Variants in SUGCT observed in about 807,000 individuals in gnomAD.
SUGCT encodes succinyl-CoA:glutarate CoA-transferase.
Under a neutral mutation model 55.0 loss-of-function variants are expected in SUGCT, and 41 were observed. The ratio of observed to expected loss-of-function variants is 0.74; its 90% CI spans 0.58 to 0.97. SUGCT has a LOEUF of 0.97. Among genes scored for constraint, SUGCT ranks in the 50% least tolerant of loss-of-function variants. The pLI, the probability that SUGCT is intolerant of heterozygous loss-of-function variation, is 0.00. For missense variants in SUGCT, 568 were observed against 547.8 expected, an observed-to-expected ratio of 1.04 and a Z score of -0.37; for synonymous variants, 187 against 200.4, an observed-to-expected ratio of 0.93 and a Z score of 0.56.
chr7:40,949,025 G>C, the SUGCT span, among the ~76,000 whole-genome samples: 1 of 152,170 alleles, frequency 6.6e-6, no homozygotes, highest in African/African-American at 2.4e-5. Flanking sequence ...CTGAGGAAAT[G>C]CCACACTGTC....
intron 13 of SUGCT, among the ~76,000 whole-genome samples, chr7:40,841,769 A>G (rs1250536025): frequency 6.6e-6 from 1 of 152,198 alleles, no homozygotes; most frequent in Non-Finnish European, 1.5e-5. Context: ...AGGATATCCT[A>G]AACATTTCAT....
chr7:40,364,570 A>G (rs1783825646), intron 9 of SUGCT, among the ~76,000 whole-genome samples: 1 of 152,066 alleles, frequency 6.6e-6, no homozygotes, highest in South Asian at 2.1e-4. Context: ...TCCTTCTCTT[A>G]TGAAGCTTAG....
At chr7:40,220,031 T>A (rs575627712) in intron 6 of SUGCT, among the ~76,000 whole-genome samples, 1 of 152,326 alleles carries the variant, frequency 6.6e-6, no homozygotes, top group East Asian at 1.9e-4. Flanking sequence ...CTGTTTTGAT[T>A]TGAGAATAGG....
At chr7:40,441,471 C>G (rs566381092) in intron 9 of SUGCT, among the ~76,000 whole-genome samples, 5 of 151,982 alleles carry the variant, frequency 3.3e-5, no homozygotes, top group African/African-American at 7.2e-5. Context: ...ACAAAACAAA[C>G]TAAAAAAACC....
At chr7:40,859,626 T>C (rs888288353) in intron 13 of SUGCT, among the ~76,000 whole-genome samples, 41 of 152,242 alleles carry the variant, frequency 2.7e-4, no homozygotes, top group Admixed American at 2.6e-3. Context: ...TACTTAGTGC[T>C]TTCTGTCTAT....
intron 12 of SUGCT, among the ~76,000 whole-genome samples, chr7:40,537,367 T>C (rs1794420879): frequency 6.6e-6 from 1 of 152,212 alleles, no homozygotes; most frequent in African/African-American, 2.4e-5. Context: ...CTATTTTTTA[T>C]ATATTTAAAA....
At chr7:40,695,723 A>G (rs1202344315) in intron 12 of SUGCT, among the ~76,000 whole-genome samples, 2 of 152,132 alleles carry the variant, frequency 1.3e-5, no homozygotes, top group Non-Finnish European at 2.9e-5. Context: ...CACTACTGAC[A>G]TTTTGGGTTA....
At chr7:40,631,635 G>T (rs1859705) in intron 12 of SUGCT, among the ~76,000 whole-genome samples, 37,702 of 152,114 alleles carry the variant, frequency 0.25, 7,091 homozygotes, top group African/African-American at 0.53. Context: ...GCCACAGACT[G>T]CTTAGATCGG....
chr7:40,268,317 T>C (rs1316142742), intron 7 of SUGCT, among the ~76,000 whole-genome samples: 1 of 152,208 alleles, frequency 6.6e-6, no homozygotes. Flanking sequence ...GATTTGCCTG[T>C]TCTGGACAGT....
chr7:40,842,417 G>A (rs1174546156), intron 13 of SUGCT, among the ~76,000 whole-genome samples: 1 of 152,092 alleles, frequency 6.6e-6, no homozygotes, highest in South Asian at 2.1e-4. Flanking sequence ...GGTTCATGGA[G>A]TCTTACCTAT....
chr7:41,027,699 T>A, the SUGCT span, among the ~76,000 whole-genome samples: 3 of 152,144 alleles, frequency 2.0e-5, no homozygotes, highest in Non-Finnish European at 4.4e-5. Context: ...AGTTGTCTCA[T>A]GTAAAAAAGT....
At chr7:40,562,419 C>T (rs1795892825) in intron 12 of SUGCT, among the ~76,000 whole-genome samples, 1 of 151,822 alleles carries the variant, frequency 6.6e-6, no homozygotes, top group African/African-American at 2.4e-5. Flanking sequence ...GTGTAGGATG[C>T]TGGTGTGATG....
chr7:40,514,606 A>G (rs1793130337), intron 12 of SUGCT, among the ~76,000 whole-genome samples: 1 of 149,944 alleles, frequency 6.7e-6, no homozygotes, highest in South Asian at 2.2e-4. Context: ...GCTACTTTGG[A>G]GGCTGAGGCA....
intron 12 of SUGCT, among the ~76,000 whole-genome samples, chr7:40,699,603 T>G (rs1241109086): frequency 5.3e-5 from 8 of 152,226 alleles, no homozygotes; most frequent in Non-Finnish European, 1.2e-4. Context: ...TCACAGTGGC[T>G]TACGCCTGTA....
Position 40,558,900 on chromosome 7 carries a change from C to T in SUGCT, c.1089+62514C>T, listed in dbSNP as rs560123757. The stretch of plus-strand genomic sequence containing the variant: ...CTTTTCTCTCTCATGAGGGAAATTC[C>T]TGTGAATTGTCTATAAGCATTTAAA... On this transcript the variant is annotated intron_variant, in intron 12 of 13. Transcript: ENST00000335693. Among the ~76,000 whole-genome samples, 4 of 152,228 alleles carry T rather than the reference C, an allele frequency of 2.6e-5. 1 individual carries two copies. The South Asian group carries it at 8.3e-4, about 32-fold the overall frequency.
chr7:40,816,842 C>G (rs532558122), intron 13 of SUGCT, among the ~76,000 whole-genome samples: 7 of 152,292 alleles, frequency 4.6e-5, no homozygotes, highest in South Asian at 4.1e-4. Flanking sequence ...GTGAAGTTAT[C>G]ACAACTCTGC....
intron 12 of SUGCT, among the ~76,000 whole-genome samples, chr7:40,689,019 T>A (rs1192871851): frequency 6.6e-6 from 1 of 152,170 alleles, no homozygotes; most frequent in Admixed American, 6.6e-5. Context: ...AGGTTTTACA[T>A]TGACTATTGC....
In SUGCT at chr7:40,449,346, C is replaced by T. The variant is rs1047475943; in HGVS notation, c.876C>T (p.Ala292=). The change falls in exon 10 of 14, where the codon GCC becomes GCT. Residue 292 remains alanine (A), a synonymous_variant. Coordinates refer to ENST00000335693, the MANE Select transcript of SUGCT (RefSeq NM_001193313.2). ...GAGCAGGAAATAACCAGCAGTTTGCCACCGTCTGCAAGGTAATCTATAATT... is the reference window on the plus strand; with the variant it reads ...GAGCAGGAAATAACCAGCAGTTTGCTACCGTCTGCAAGGTAATCTATAATT... ...VVGAGNNQQF[A]TVCKILDLPE... is the part of the protein sequence containing the mutation. The T allele has an allele frequency of 3.1e-6, 5 of 1,610,370 alleles. No individual in the cohort carries two copies. In the African/African-American group the frequency reaches 6.7e-5, roughly 22 times the overall value.
At chr7:40,938,148 G>A in the SUGCT span, among the ~76,000 whole-genome samples, 5 of 152,106 alleles carry the variant, frequency 3.3e-5, no homozygotes, top group African/African-American at 1.2e-4. Flanking sequence ...CTGGGGATGG[G>A]GACTCCTGTT....
Sources: gnomAD v4.1 joint callset for allele counts (sites outside exome capture counted in the v4.1 genomes callset) on GRCh38, gnomAD v4.1.1 for gene constraint, MANE v1.5 for transcripts, NCBI Gene and HGNC (gene_info 2026-07-23, HGNC 2026-07-21) for gene names.